The following PIGL variants were observed in gnomAD, a reference collection of about 807,000 sequenced individuals.
The protein encoded by PIGL is N-acetylglucosaminyl-phosphatidylinositol de-N-acetylase.
A neutral mutation model predicts 31.1 loss-of-function variants in PIGL; 22 were observed. That is an observed-to-expected ratio of 0.71 (90% CI 0.51 to 1.01). The LOEUF (loss-of-function observed/expected upper bound fraction) is 1.01. PIGL is among the 50% of genes least tolerant of loss of function. PIGL has a pLI of 0.00. For synonymous variants in PIGL, 131 were observed against 117.4 expected, an observed-to-expected ratio of 1.12 and a Z score of -0.75; for missense variants, 302 against 315.9, an observed-to-expected ratio of 0.96 and a Z score of 0.33.
Position 16,217,457 on chromosome 17 carries a change from T to C in PIGL, c.231T>C (p.Ser77=), listed in dbSNP as rs1336990100. ...ACTGGGTGTACCTGCTTTGCTTCTC[T>C]GCAGGTAGGAGGCCATAGGAGGGGC... The part of the protein sequence containing the change: ...LRHWVYLLCF[S]AGNYYNQGET... The change falls in exon 1 of 7, where the codon TCT becomes TCC. Residue 77 remains serine, a synonymous_variant. Coordinates refer to ENST00000225609, the MANE Select transcript of PIGL (RefSeq NM_004278.4). The C allele has an allele frequency of 6.2e-7, 1 of 1,611,390 alleles. No homozygotes were observed. The highest frequency in any genetic ancestry group is 2.2e-5 in the East Asian group (1 of 44,884).
chr17:16,217,632 TGGTGGGTTGGGGGA>T, intron 1 of PIGL, 171 bp downstream of exon 1: 39 of 539,982 alleles, frequency 7.2e-5, no homozygotes, highest in South Asian at 2.9e-4. Flanking sequence ...CCGGCTTACC[TGGTGGGTTGGGGGA>T]CGTCGGCAGC....
At chr17:16,303,259 T>G (rs1440744874) in intron 3 of PIGL, among the ~76,000 whole-genome samples, 1 of 152,186 alleles carries the variant, frequency 6.6e-6, no homozygotes, top group East Asian at 1.9e-4. Context: ...TTCTTAAAAG[T>G]GCAGACCACG....
intron 2 of PIGL, among the ~76,000 whole-genome samples, chr17:16,295,080 T>C (rs1473855986): frequency 2.6e-5 from 4 of 152,214 alleles, no homozygotes; most frequent in Non-Finnish European, 5.9e-5. Flanking sequence ...TAATGGCTCA[T>C]GTAACATCCG....
At chr17:16,256,028 C>CA (rs568982006) in intron 2 of PIGL, among the ~76,000 whole-genome samples, 44 of 141,640 alleles carry the variant, frequency 3.1e-4, no homozygotes, top group East Asian at 1.2e-3. Flanking sequence ...AAGTCAAGTA[C>CA]AAAAAAAAAA....
chr17:16,262,877 T>C (rs754582309), intron 2 of PIGL, among the ~76,000 whole-genome samples: 41 of 152,150 alleles, frequency 2.7e-4, no homozygotes, highest in Non-Finnish European at 5.7e-4. Context: ...AGAATATTAT[T>C]TAGCCATAAA....
intron 2 of PIGL, among the ~76,000 whole-genome samples, chr17:16,285,341 C>T (rs2092932899): frequency 6.6e-6 from 1 of 151,380 alleles, no homozygotes; most frequent in South Asian, 2.1e-4. Flanking sequence ...AATCCCAGCA[C>T]TTTGGGAGGC....
chr17:16,269,246 C>CAT (rs1396323403), intron 2 of PIGL, among the ~76,000 whole-genome samples: 6 of 152,228 alleles, frequency 3.9e-5, no homozygotes, highest in Non-Finnish European at 5.9e-5. Context: ...TTAGCTGACA[C>CAT]ATATGGCCTC....
intron 2 of PIGL, among the ~76,000 whole-genome samples, chr17:16,247,353 A>G (rs555222571): frequency 3.6e-4 from 55 of 152,320 alleles, no homozygotes; most frequent in African/African-American, 1.3e-3. Context: ...GTCTTAACTC[A>G]TTCCAGCATT....
At chr17:16,292,579 T>C (rs2092965569) in intron 2 of PIGL, among the ~76,000 whole-genome samples, 1 of 152,244 alleles carries the variant, frequency 6.6e-6, no homozygotes, top group Non-Finnish European at 1.5e-5. Flanking sequence ...TACAGAGTTA[T>C]GGATAAGGAT....
intron 2 of PIGL, among the ~76,000 whole-genome samples, chr17:16,282,864 G>A (rs2092922205): frequency 6.6e-6 from 1 of 152,130 alleles, no homozygotes; most frequent in East Asian, 1.9e-4. Context: ...AGTAAGCAAT[G>A]TCTACTTCAA....
At chr17:16,312,215 C>G (rs1241104651) in intron 3 of PIGL, among the ~76,000 whole-genome samples, 3 of 149,780 alleles carry the variant, frequency 2.0e-5, no homozygotes, top group African/African-American at 4.9e-5. Flanking sequence ...GGGCGGCTGC[C>G]GGGCGGAGGG....
intron 2 of PIGL, among the ~76,000 whole-genome samples, chr17:16,271,590 G>A (rs2092872850): frequency 6.6e-6 from 1 of 151,126 alleles, no homozygotes. Context: ...GGAGTGCAGT[G>A]GTGCAATCTT....
chr17:16,248,958 C>A (rs2092759682), intron 2 of PIGL, among the ~76,000 whole-genome samples: 1 of 152,140 alleles, frequency 6.6e-6, no homozygotes, highest in African/African-American at 2.4e-5. Context: ...TCTCACTGTG[C>A]CTCATGTGGT....
intron 2 of PIGL, among the ~76,000 whole-genome samples, chr17:16,298,473 G>GA (rs2092991692): frequency 6.6e-6 from 1 of 152,178 alleles, no homozygotes; most frequent in Non-Finnish European, 1.5e-5. Flanking sequence ...ATAGATCAAA[G>GA]CACAGAAAAG....
chr17:16,321,429 G>A (rs538932145), intron 6 of PIGL, among the ~76,000 whole-genome samples: 53 of 151,606 alleles, frequency 3.5e-4, no homozygotes, highest in African/African-American at 1.2e-3. Context: ...TAGTAGACAC[G>A]GGGTTTCGCC....
chr17:16,313,589 C>G lies in PIGL; in HGVS notation c.469C>G (p.His157Asp). Residue 157 changes from histidine to aspartate, a missense_variant, in exon 4 of 7, where the codon CAC (histidine) becomes GAC (aspartate). By Grantham distance (81) the His-to-Asp change is moderately conservative. Coordinates refer to ENST00000225609, the MANE Select transcript of PIGL (RefSeq NM_004278.4). Reference protein sequence around the residue: ...DAGGVSGHSNHIALYAAVRAL... With the variant: ...DAGGVSGHSNDIALYAAVRAL... ...AGGGGGAGTAAGTGGCCACAGCAATCACATTGCTCTGTATGCAGCTGTGAG... is the reference window on the plus strand; with the variant it reads ...AGGGGGAGTAAGTGGCCACAGCAATGACATTGCTCTGTATGCAGCTGTGAG... 6.2e-7 allele frequency: 1 copy of G among 1,613,454 alleles called. No homozygotes were observed.
chr17:16,278,782 G>C (rs949158759), intron 2 of PIGL, among the ~76,000 whole-genome samples: 3 of 150,010 alleles, frequency 2.0e-5, no homozygotes, highest in Non-Finnish European at 3.0e-5. Context: ...CACTTTCCTT[G>C]CATGTAAAAC....
intron 2 of PIGL, among the ~76,000 whole-genome samples, chr17:16,256,690 T>C (rs1224517584): frequency 3.5e-5 from 4 of 112,880 alleles, no homozygotes; most frequent in Non-Finnish European, 7.4e-5. Flanking sequence ...TGTTTTGTTT[T>C]TTGTGTGTTT....
At chr17:16,239,790 T>C (rs760127180) in intron 2 of PIGL, among the ~76,000 whole-genome samples, 8 of 151,926 alleles carry the variant, frequency 5.3e-5, no homozygotes, top group Non-Finnish European at 8.8e-5. Context: ...TGAATTCAAC[T>C]CTTTTTTTTT....
Sources: allele counts gnomAD v4.1 joint callset (sites outside exome capture counted in the v4.1 genomes callset), GRCh38; gene constraint gnomAD v4.1.1; transcripts MANE v1.5; gene names NCBI Gene and HGNC (gene_info 2026-07-23, HGNC 2026-07-21).